The following GFRA1 variants were observed in gnomAD, a reference collection of about 807,000 sequenced individuals.
GFRA1 encodes GDNF family receptor alpha-1.
In GFRA1, 16 loss-of-function variants were observed where a neutral mutation model predicts 51.6. The ratio of observed to expected loss-of-function variants is 0.31; its 90% CI spans 0.21 to 0.47. The LOEUF is 0.47. Ranked by LOEUF, GFRA1 falls within the 20% of genes least tolerant of loss-of-function variation. GFRA1 has a pLI of 1.00. For synonymous variants in GFRA1, 270 were observed against 241.3 expected (o/e 1.12, Z -1.10); for missense variants, 530 against 594.3 (o/e 0.89, Z 1.13).
At chr10:116,222,143 G>A (rs559234489) in intron 4 of GFRA1, among the ~76,000 whole-genome samples, 4 of 152,248 alleles carry the variant, frequency 2.6e-5, no homozygotes, top group Non-Finnish European at 5.9e-5. Context: ...GTAATGCAGT[G>A]CAGGCAATGC....
chr10:116,133,143 T>A (rs1958176278), intron 5 of GFRA1, among the ~76,000 whole-genome samples: 1 of 152,086 alleles, frequency 6.6e-6, no homozygotes, highest in Admixed American at 6.5e-5. Flanking sequence ...TTACTAGAAA[T>A]CCTTTTTTCT....
intron 6 of GFRA1, 33 bp downstream of exon 6, chr10:116,125,188 C>G (rs757638043): frequency 1.9e-6 from 3 of 1,566,736 alleles, no homozygotes; most frequent in South Asian, 2.2e-5. Flanking sequence ...TCCCTGTCAC[C>G]TCATTAATCA....
chr10:116,114,013 C>T (rs953403456), intron 6 of GFRA1, among the ~76,000 whole-genome samples: 11 of 152,162 alleles, frequency 7.2e-5, no homozygotes, highest in Non-Finnish European at 5.9e-5. Context: ...AGCAACTCTG[C>T]CCCCGGGTGT....
chr10:116,065,462 G>A (rs1002795858), intron 10 of GFRA1, 111 bp downstream of exon 10: 24 of 855,806 alleles, frequency 2.8e-5, no homozygotes, highest in Non-Finnish European at 4.5e-5. Flanking sequence ...TAGATTTCTT[G>A]TGGACTGGAT....
chr10:116,188,058 C>A (rs1057131986), intron 5 of GFRA1, among the ~76,000 whole-genome samples: 2 of 152,206 alleles, frequency 1.3e-5, no homozygotes, highest in African/African-American at 4.8e-5. Flanking sequence ...CAGGAGGAAA[C>A]CACAACCCTA....
intron 9 of GFRA1, among the ~76,000 whole-genome samples, chr10:116,083,289 G>A (rs1015985308): frequency 3.3e-5 from 5 of 152,172 alleles, no homozygotes; most frequent in African/African-American, 1.2e-4. Flanking sequence ...AGTCTGGTGT[G>A]GAAATAAGCA....
rs144882963 is a variant in GFRA1 at position 116,248,113 on chromosome 10, C to T, written c.418+21390G>A. Among the ~76,000 whole-genome samples the T allele has an allele frequency of 2.1e-4, 32 of 152,246 alleles. No individual in the cohort carries two copies. In the East Asian group the frequency reaches 5.4e-3, roughly 26 times the overall value. ...CAAAATTCCCTGCCAACTGGGGAGC[C>T]GACTGTGTGCTCCACAGGCTGAATC... On this transcript the variant is annotated intron_variant, in intron 4 of 10. Transcript: ENST00000355422.
At chr10:116,260,779 G>A (rs1230433770) in intron 4 of GFRA1, among the ~76,000 whole-genome samples, 1 of 152,164 alleles carries the variant, frequency 6.6e-6, no homozygotes, top group Non-Finnish European at 1.5e-5. Context: ...AAATGCCCAG[G>A]AGACATAATA....
intron 4 of GFRA1, among the ~76,000 whole-genome samples, chr10:116,246,555 C>A (rs1025592472): frequency 7.9e-5 from 12 of 151,924 alleles, no homozygotes; most frequent in Admixed American, 6.6e-4. Flanking sequence ...TAGCAAAAAA[C>A]GAAAAGGAAA....
chr10:116,115,594 G>T (rs1394780232), intron 6 of GFRA1, among the ~76,000 whole-genome samples: 2 of 152,120 alleles, frequency 1.3e-5, no homozygotes, highest in Non-Finnish European at 2.9e-5. Flanking sequence ...GTAACTAAGG[G>T]GACAGATTTC....
chr10:116,167,413 C>T (rs369726213), intron 5 of GFRA1, among the ~76,000 whole-genome samples: 2 of 152,086 alleles, frequency 1.3e-5, no homozygotes, highest in African/African-American at 4.8e-5. Flanking sequence ...TCCTTGATGG[C>T]GATCCCTAGT....
chr10:116,167,964 G>T (rs1013053453), intron 5 of GFRA1, among the ~76,000 whole-genome samples: 1 of 152,064 alleles, frequency 6.6e-6, no homozygotes, highest in Non-Finnish European at 1.5e-5. Context: ...TGGGGGGAGG[G>T]TGAGGAATAT....
At chr10:116,250,324 C>T (rs747624695) in intron 4 of GFRA1, among the ~76,000 whole-genome samples, 10 of 152,262 alleles carry the variant, frequency 6.6e-5, no homozygotes, top group South Asian at 6.2e-4. Context: ...GGACCCAGGG[C>T]GCTAAGTCCC....
At chr10:116,209,901 A>T (rs1277466086) in intron 5 of GFRA1, among the ~76,000 whole-genome samples, 1 of 152,116 alleles carries the variant, frequency 6.6e-6, no homozygotes. Context: ...GAGCCATGTA[A>T]ATAATTCACA....
chr10:116,072,617 C>T (rs538328059), intron 9 of GFRA1, among the ~76,000 whole-genome samples: 150 of 152,070 alleles, frequency 9.9e-4, no homozygotes, highest in African/African-American at 3.4e-3. Flanking sequence ...AAAAATTAGC[C>T]GGGCATGTTG....
chr10:116,207,669 A>G (rs1964885998), intron 5 of GFRA1, among the ~76,000 whole-genome samples: 1 of 152,196 alleles, frequency 6.6e-6, no homozygotes, highest in Admixed American at 6.5e-5. Context: ...GTACGTATGT[A>G]TTGCAGAAAA....
chr10:116,161,807 T>C (rs1470375620), intron 5 of GFRA1, among the ~76,000 whole-genome samples: 1 of 152,260 alleles, frequency 6.6e-6, no homozygotes, highest in Non-Finnish European at 1.5e-5. Context: ...TTACTCAGTC[T>C]TGGCTATGTT....
chr10:116,135,904 C>T (rs1039503657), intron 5 of GFRA1, among the ~76,000 whole-genome samples: 11 of 152,264 alleles, frequency 7.2e-5, no homozygotes, highest in South Asian at 2.1e-4. Flanking sequence ...AACTCTACAA[C>T]GGCTACAGAA....
chr10:116,073,764 T>G (rs536146453), intron 9 of GFRA1, among the ~76,000 whole-genome samples: 6 of 152,246 alleles, frequency 3.9e-5, no homozygotes, highest in Admixed American at 3.9e-4. Flanking sequence ...TCAGATAATA[T>G]TTATTAAGCC....
Sources: gnomAD v4.1 joint callset for allele counts (sites outside exome capture counted in the v4.1 genomes callset) on GRCh38, gnomAD v4.1.1 for gene constraint, MANE v1.5 for transcripts, NCBI Gene and HGNC (gene_info 2026-07-23, HGNC 2026-07-21) for gene names.